Variants in GTPBP3 observed in about 807,000 individuals in gnomAD.
GTPBP3 encodes the protein GTP binding protein 3, mitochondrial, also known as 5-taurinomethyluridine-[tRNA] synthase subunit GTPB3, mitochondrial.
A neutral mutation model predicts 42.0 loss-of-function variants in GTPBP3; 35 were observed. That is an observed-to-expected ratio of 0.83 (90% CI 0.64 to 1.10). The LOEUF is 1.10. Ranked by LOEUF, GTPBP3 falls within the 50% of genes least tolerant of loss-of-function variation. The probability of loss-of-function intolerance (pLI) is 0.00; values close to 1 mark genes in which losing one functional copy is unlikely to be tolerated. For synonymous variants in GTPBP3, 332 were observed against 314.9 expected (o/e 1.05, Z -0.58); for missense variants, 691 against 685.2 (o/e 1.01, Z -0.09).
In GTPBP3 at chr19:17,337,599, A is replaced by C; in HGVS notation, c.-13A>C. The C allele has an allele frequency of 7.6e-7, 1 of 1,313,426 alleles. No homozygotes were observed. Among genetic ancestry groups the C allele is most frequent in the Non-Finnish European group, 9.8e-7 (1 of 1,025,092 alleles). The allele number at this position is 1,313,426 out of a possible 1,614,324, so 81.4% of individuals were successfully genotyped here. On this transcript the variant is annotated 5_prime_UTR_variant, in exon 1 of 9. Coordinates refer to ENST00000324894, the MANE Select transcript of GTPBP3 (RefSeq NM_032620.4). ...CAGGCAGGTCGGGCAGGCGGGTCGC[A>C]GGTTGTAAATCCATGTGGCGGGGGC...
At chr19:17,337,699 G>A in intron 1 of GTPBP3, 35 bp downstream of exon 1, 2 of 1,378,520 alleles carry the variant, frequency 1.5e-6, no homozygotes, top group Non-Finnish European at 1.9e-6. Flanking sequence ...GACAGCTTGG[G>A]GTGCTGCTTG....
rs751211186 is a variant in GTPBP3 at position 17,339,088 on chromosome 19, A to C, written c.665-35A>C. The stretch of plus-strand genomic sequence containing the variant: ...ATATCAGCCCTCAAAGGCTCCCCTC[A>C]CTGTCTCTCTCTGCCTGCCTTCTCT... On this transcript the variant is annotated intron_variant, in intron 5 of 8. Transcript: ENST00000324894. 65 of 1,613,910 alleles carry C rather than the reference A, an allele frequency of 4.0e-5. No homozygotes were observed. Among genetic ancestry groups the C allele is most frequent in the Non-Finnish European group, 5.3e-5 (63 of 1,179,934 alleles).
chr19:17,338,047 C>T lies in GTPBP3; in HGVS notation c.93C>T (p.Gly31=), dbSNP rs577197743. 339 of 1,597,858 alleles carry T rather than the reference C, an allele frequency of 2.1e-4. No individual in the cohort carries two copies. Among genetic ancestry groups the T allele is most frequent in the Non-Finnish European group, 2.5e-4 (293 of 1,179,500 alleles). Residue 31 remains glycine, a synonymous_variant, in exon 2 of 9, where the codon GGC becomes GGT. Transcript: ENST00000324894. ...GGAGCAGCGGCGCACCAGCCCCCGG[C>T]TCCGGCGCCACCATCTTCGCGCTAA... is the stretch of plus-strand genomic sequence containing the variant. The part of the protein sequence containing the change: ...TRRSSGAPAP[G]SGATIFALSS...
rs1458390547 is a variant in GTPBP3 at position 17,342,678 on chromosome 19, C to T, written c.*975C>T. On this transcript the variant is annotated 3_prime_UTR_variant, in exon 9 of 9. Coordinates refer to ENST00000324894, the MANE Select transcript of GTPBP3 (RefSeq NM_032620.4). ...TTTGCATACTTGTGGATGTACCTTT[C>T]AAATATGTTTGTCTTGTGTATCATA... is the stretch of plus-strand genomic sequence containing the variant. 1 of 152,094 alleles carries T rather than the reference C, an allele frequency of 6.6e-6. No individual in the cohort carries two copies. Among genetic ancestry groups the T allele is most frequent in the African/African-American group, 2.4e-5 (1 of 41,408 alleles). The allele number at this position is 152,094 out of a possible 1,614,324, so 9.4% of individuals were successfully genotyped here.
rs867914093 is a variant in GTPBP3, at chr19:17,339,042, G to C, written c.664+16G>C. The C allele has an allele frequency of 1.2e-6, 2 of 1,614,070 alleles. No homozygotes were observed. Among genetic ancestry groups the C allele is most frequent in the Non-Finnish European group, 8.5e-7 (1 of 1,180,008 alleles). ...CTGGAGCAAGGTGGGTCTACCTGGT[G>C]GTGGGGGAGGAAGACACCTCATATC... is the stretch of plus-strand genomic sequence containing the variant. On this transcript the variant is annotated intron_variant, in intron 5 of 8. Coordinates refer to ENST00000324894, the MANE Select transcript of GTPBP3 (RefSeq NM_032620.4).
intron 4 of GTPBP3, 80 bp from the exon 5 acceptor site, chr19:17,338,874 G>A (rs2074396965): frequency 1.9e-6 from 3 of 1,540,332 alleles, no homozygotes; most frequent in Non-Finnish European, 2.6e-6. Context: ...TCTGGCCCCT[G>A]AAGTCGGGCT....
chr19:17,337,903 A>G, intron 1 of GTPBP3, 105 bp from the exon 2 acceptor site: 3 of 1,364,796 alleles, frequency 2.2e-6, no homozygotes, highest in Non-Finnish European at 3.0e-6. Context: ...CCCCAGCCGC[A>G]GAACCCCCCC....
In GTPBP3 at chr19:17,338,658, G is replaced by T; in HGVS notation, c.508G>T (p.Glu170Ter). 1 of 1,613,902 alleles carries T rather than the reference G, an allele frequency of 6.2e-7. No homozygotes were observed. Among genetic ancestry groups the T allele is most frequent in the Non-Finnish European group, 8.5e-7 (1 of 1,179,946 alleles). Reference sequence around the variant, plus strand: ...GGCGGACCTTATCCACGCGGAAACAGAGGCGCAGCGGCGGCAGGCCCTCAG... The same window carrying T: ...GGCGGACCTTATCCACGCGGAAACATAGGCGCAGCGGCGGCAGGCCCTCAG... ...GLADLIHAET[E>*]AQRRQALRQL... Residue 170 changes from glutamate (E) to a stop codon, truncating the protein, a stop_gained, in exon 4 of 9, where the codon GAG becomes TAG. Transcript: ENST00000324894. LOFTEE classifies it high-confidence loss of function.
rs778897687 is a variant in GTPBP3, at chr19:17,339,185, G to C, written c.727G>C (p.Gly243Arg). The change falls in exon 6 of 9, where the codon GGG (glycine) becomes CGG (arginine). Residue 243 changes from glycine (G) to arginine (R), a missense_variant. Coordinates refer to ENST00000324894, the MANE Select transcript of GTPBP3 (RefSeq NM_032620.4). The part of the protein sequence containing the change: ...LGAHLRDARR[G>R]QRLRSGVHVV... ...TGCACATCTACGAGATGCCAGGCGC[G>C]GGCAGAGGCTCCGCTCAGGGGTGCA... The C allele has an allele frequency of 6.2e-7, 1 of 1,613,732 alleles. No homozygotes were observed. The highest frequency in any genetic ancestry group is 2.2e-5 in the East Asian group (1 of 44,880).
rs1425068114 is a variant in GTPBP3, at chr19:17,339,268, TGAGTAGGCGGCGG to T, written c.808+5_808+17del. On this transcript the variant is annotated splice_donor_5th_base_variant and intron_variant, in intron 6 of 8. Coordinates refer to ENST00000324894, the MANE Select transcript of GTPBP3 (RefSeq NM_032620.4). ...AGAGCAGCCTAGTGAACCTGCTCAG[TGAGTAGGCGGCGG>T]GAAGGGGGCGGGGCCTAGTGCCAGG... 1 of 1,597,680 alleles carries T rather than the reference TGAGTAGGCGGCGG, an allele frequency of 6.3e-7. No individual in the cohort carries two copies. Among genetic ancestry groups the T allele is most frequent in the African/African-American group, 1.3e-5 (1 of 74,552 alleles).
Position 17,339,221 on chromosome 19 carries a change from A to T in GTPBP3, c.763A>T (p.Thr255Ser). 28 of 1,612,258 alleles carry T rather than the reference A, an allele frequency of 1.7e-5. No homozygotes were observed. Among genetic ancestry groups the T allele is most frequent in the Non-Finnish European group, 2.3e-5 (27 of 1,179,874 alleles). The change falls in exon 6 of 9, where the codon ACT (threonine) becomes TCT (serine). Residue 255 changes from threonine (T) to serine (S), a missense_variant. Transcript: ENST00000324894. ...RLRSGVHVVV[T>S]GPPNAGKSSL... The stretch of plus-strand genomic sequence containing the variant: ...CCGCTCAGGGGTGCACGTAGTGGTC[A>T]CTGGACCCCCCAATGCGGGCAAGAG...
At position 17,342,692 on chromosome 19, in the gene GTPBP3, T is replaced by C. The variant is rs929286836; in HGVS notation, c.*989T>C. 7.2e-5 allele frequency: 11 copies of C among 152,156 alleles called. No individual in the cohort carries two copies. Among genetic ancestry groups the C allele is most frequent in the African/African-American group, 2.4e-4 (10 of 41,434 alleles). The allele number at this position is 152,156 out of a possible 1,614,324, so 9.4% of individuals were successfully genotyped here. ...GATGTACCTTTCAAATATGTTTGTCTTGTGTATCATATATAAATGGTATTG... is the reference window on the plus strand; with the variant it reads ...GATGTACCTTTCAAATATGTTTGTCCTGTGTATCATATATAAATGGTATTG... On this transcript the variant is annotated 3_prime_UTR_variant, in exon 9 of 9. Transcript: ENST00000324894.
At position 17,341,750 on chromosome 19, in the gene GTPBP3, C is replaced by G. The variant is rs769105137; in HGVS notation, c.*47C>G. ...CCAAGCTGCGTGGAGACCCAGGAGCCTCGGGGGATCTGGAAACAGTTTAGG... is the reference window on the plus strand; with the variant it reads ...CCAAGCTGCGTGGAGACCCAGGAGCGTCGGGGGATCTGGAAACAGTTTAGG... On this transcript the variant is annotated 3_prime_UTR_variant, in exon 9 of 9. Transcript: ENST00000324894. 1.5e-5 allele frequency: 22 copies of G among 1,475,432 alleles called. No homozygotes were observed. The highest frequency in any genetic ancestry group is 1.4e-5 in the Non-Finnish European group (15 of 1,094,768). 91.4% of individuals were successfully genotyped at this position (1,475,432 alleles called of 1,614,324 possible).
chr19:17,341,626 C>G lies in GTPBP3; in HGVS notation c.1402C>G (p.Leu468Val), dbSNP rs776957764. 23 of 1,613,440 alleles carry G rather than the reference C, an allele frequency of 1.4e-5. No homozygotes were observed. The East Asian group carries it at 5.1e-4, about 36-fold the overall frequency. The change falls in exon 9 of 9, where the codon CTG becomes GTG. Residue 468 changes from leucine (L) to valine (V), a missense_variant. Transcript: ENST00000324894. ...AEALRVARGHLTRLTGGGGTE... is the reference protein window; with the variant it reads ...AEALRVARGHVTRLTGGGGTE... ...GGCGCTGCGGGTGGCCCGGGGTCAC[C>G]TGACCCGGCTCACAGGTGGAGGGGG...
At position 17,339,202 on chromosome 19, in the gene GTPBP3, A is replaced by G. The variant is rs554038809; in HGVS notation, c.744A>G (p.Ser248=). Reference sequence around the variant, plus strand: ...CCAGGCGCGGGCAGAGGCTCCGCTCAGGGGTGCACGTAGTGGTCACTGGAC... The same window carrying G: ...CCAGGCGCGGGCAGAGGCTCCGCTCGGGGGTGCACGTAGTGGTCACTGGAC... ...RDARRGQRLR[S]GVHVVVTGPP... Residue 248 remains serine, a synonymous_variant, in exon 6 of 9, where the codon TCA becomes TCG. Coordinates refer to ENST00000324894, the MANE Select transcript of GTPBP3 (RefSeq NM_032620.4). The G allele has an allele frequency of 1.9e-6, 3 of 1,613,336 alleles. No individual in the cohort carries two copies. The African/African-American group carries it at 4.0e-5, about 22-fold the overall frequency.
At position 17,338,040 on chromosome 19, in the gene GTPBP3, C is replaced by A; in HGVS notation, c.86C>A (p.Ala29Asp). ...LCTRRSSGAP[A>D]PGSGATIFAL... ...ACGCGCCGGAGCAGCGGCGCACCAG[C>A]CCCCGGCTCCGGCGCCACCATCTTC... Residue 29 changes from alanine (A) to aspartate (D), a missense_variant, in exon 2 of 9, where the codon GCC becomes GAC. By Grantham distance (126) the Ala-to-Asp change is moderately radical. Transcript: ENST00000324894. 2 of 1,597,824 alleles carry A rather than the reference C, an allele frequency of 1.3e-6. No individual in the cohort carries two copies. The highest frequency in any genetic ancestry group is 1.7e-6 in the Non-Finnish European group (2 of 1,179,406).
Position 17,337,583 on chromosome 19 carries a change from C to T in GTPBP3, c.-29C>T. 7.6e-7 allele frequency: 1 copy of T among 1,315,178 alleles called. No homozygotes were observed. The allele number at this position is 1,315,178 out of a possible 1,614,324, so 81.5% of individuals were successfully genotyped here. ...CAGACTTGAAGCCACACAGGCAGGT[C>T]GGGCAGGCGGGTCGCAGGTTGTAAA... On this transcript the variant is annotated 5_prime_UTR_variant, in exon 1 of 9. Transcript: ENST00000324894.
At chr19:17,339,654 T>A in intron 7 of GTPBP3, 55 bp downstream of exon 7, 1 of 1,499,296 alleles carries the variant, frequency 6.7e-7, no homozygotes, top group Admixed American at 2.1e-5. Flanking sequence ...CTCTGCCTTT[T>A]CTCCCTGTTG....
intron 7 of GTPBP3, among the ~76,000 whole-genome samples, chr19:17,340,294 C>T (rs1297061424): frequency 2.0e-5 from 3 of 152,156 alleles, no homozygotes; most frequent in African/African-American, 7.2e-5. Context: ...GCCTCGGCCT[C>T]CCAAAGTGCT....
Sources: allele counts gnomAD v4.1 joint callset (sites outside exome capture counted in the v4.1 genomes callset), GRCh38; gene constraint gnomAD v4.1.1; transcripts MANE v1.5; gene names NCBI Gene and HGNC (gene_info 2026-07-23, HGNC 2026-07-21).